LRRC8D: variants seen among roughly 807,000 people sequenced by gnomAD.
The protein encoded by LRRC8D is leucine rich repeat containing 8 VRAC subunit D.
In LRRC8D, 20 loss-of-function variants were observed where a neutral mutation model predicts 55.8. The observed-to-expected ratio is 0.36, with a 90% CI of 0.25 to 0.52. LRRC8D has a LOEUF of 0.52. Among genes scored for constraint, LRRC8D ranks in the 20% least tolerant of loss-of-function variants. The probability of loss-of-function intolerance (pLI) is 0.93; values close to 1 mark genes in which losing one functional copy is unlikely to be tolerated. For synonymous variants in LRRC8D, 352 were observed against 377.0 expected (o/e 0.93, Z 0.77); for missense variants, 651 against 1,030.8 (o/e 0.63, Z 5.05).
chr1:89,889,523 C>G (rs116390937), intron 2 of LRRC8D, among the ~76,000 whole-genome samples: 1,527 of 151,718 alleles, frequency 0.01, 26 homozygotes, highest in African/African-American at 0.035. Flanking sequence ...TATTGTAACT[C>G]CTGGCAGTAA....
intron 2 of LRRC8D, among the ~76,000 whole-genome samples, chr1:89,865,455 A>G (rs868344539): frequency 1.1e-4 from 17 of 151,736 alleles, no homozygotes; most frequent in Middle Eastern, 3.4e-3. Flanking sequence ...AATTAATAAG[A>G]TGAATGCTTT....
intron 2 of LRRC8D, among the ~76,000 whole-genome samples, chr1:89,881,498 T>C (rs1002534741): frequency 1.3e-5 from 2 of 152,162 alleles, no homozygotes; most frequent in Admixed American, 1.3e-4. Flanking sequence ...ACTGATTTTC[T>C]CCAAACATGT....
chr1:89,907,181 G>GTTT (rs1387287049), intron 2 of LRRC8D, among the ~76,000 whole-genome samples: 1 of 105,806 alleles, frequency 9.5e-6, no homozygotes. Context: ...CTTCCACTGT[G>GTTT]TCTTTTTTTT....
At position 89,896,242 on chromosome 1, in the gene LRRC8D, T is replaced by G. The variant is rs143882819; in HGVS notation, c.-2-36825T>G. 5.8e-3 allele frequency among the ~76,000 whole-genome samples: 883 copies of G among 151,830 alleles called. 5 individuals are homozygous for G. Among genetic ancestry groups the G allele is most frequent in the African/African-American group, 0.021 (861 of 41,348 alleles). On this transcript the variant is annotated intron_variant, in intron 2 of 2. Coordinates refer to ENST00000337338, the MANE Select transcript of LRRC8D (RefSeq NM_001134479.2). ...GTGAGTGGGAGGGTAGAGGGGTGGATGAAGGTGGTAAAGGATAGATGGGAA... is the reference window on the plus strand; with the variant it reads ...GTGAGTGGGAGGGTAGAGGGGTGGAGGAAGGTGGTAAAGGATAGATGGGAA...
At chr1:89,886,299 G>A (rs1031035221) in intron 2 of LRRC8D, among the ~76,000 whole-genome samples, 1 of 144,746 alleles carries the variant, frequency 6.9e-6, no homozygotes, top group African/African-American at 2.9e-5. Context: ...AGCCCCGGAC[G>A]GGGGAGGTCA....
rs76075845 is a variant in LRRC8D, at chr1:89,843,526, T to C, written c.-147-112T>C. The C allele has an allele frequency of 6.6e-3, 4,201 of 639,938 alleles. 119 individuals carry two copies. Among genetic ancestry groups the C allele is most frequent in the African/African-American group, 0.065 (3,543 of 54,842 alleles). The allele number at this position is 639,938 out of a possible 1,614,324, so 39.6% of individuals were successfully genotyped here. A position where few individuals can be genotyped will look rare whatever the true frequency, so the allele number is the denominator to read the frequency against. On this transcript the variant is annotated intron_variant, in intron 1 of 2. Coordinates refer to ENST00000337338, the MANE Select transcript of LRRC8D (RefSeq NM_001134479.2). Reference sequence around the variant, plus strand: ...AGCGCTGGGTGCCCACCATGGCAGTTATGCAAGCGGTGACCCCCTGGTCTT... The same window carrying C: ...AGCGCTGGGTGCCCACCATGGCAGTCATGCAAGCGGTGACCCCCTGGTCTT...
chr1:89,836,884 T>G (rs947727739), intron 1 of LRRC8D, among the ~76,000 whole-genome samples: 3 of 152,258 alleles, frequency 2.0e-5, no homozygotes, highest in African/African-American at 7.2e-5. Context: ...CAAATTTGAT[T>G]AAAACAGCGT....
At chr1:89,829,365 C>A (rs967225978) in intron 1 of LRRC8D, among the ~76,000 whole-genome samples, 11 of 152,172 alleles carry the variant, frequency 7.2e-5, no homozygotes, top group Non-Finnish European at 5.9e-5. Flanking sequence ...AGACTTATTC[C>A]CACTCTACGG....
chr1:89,873,141 C>G (rs1662063365), intron 2 of LRRC8D, among the ~76,000 whole-genome samples: 1 of 152,198 alleles, frequency 6.6e-6, no homozygotes, highest in Middle Eastern at 3.4e-3. Flanking sequence ...GGGGAGAGAT[C>G]ATAGAGATCC....
At chr1:89,913,398 A>C (rs2100947600) in intron 2 of LRRC8D, among the ~76,000 whole-genome samples, 1 of 152,354 alleles carries the variant, frequency 6.6e-6, no homozygotes, top group East Asian at 1.9e-4. Context: ...GGAGGAAATG[A>C]GTGATTAAAA....
intron 1 of LRRC8D, among the ~76,000 whole-genome samples, chr1:89,838,945 T>G (rs952904838): frequency 6.6e-6 from 1 of 152,226 alleles, no homozygotes; most frequent in Non-Finnish European, 1.5e-5. Flanking sequence ...TACCAAAATC[T>G]GGCGAGGTGA....
intron 2 of LRRC8D, among the ~76,000 whole-genome samples, chr1:89,882,113 C>T (rs750466623): frequency 2.4e-4 from 37 of 152,176 alleles, no homozygotes; most frequent in Non-Finnish European, 4.7e-4. Context: ...ATGCTGCCTA[C>T]GGAGCTTTTG....
At chr1:89,887,347 CTA>C (rs1662446485) in intron 2 of LRRC8D, among the ~76,000 whole-genome samples, 1 of 152,108 alleles carries the variant, frequency 6.6e-6, no homozygotes, top group Admixed American at 6.5e-5. Flanking sequence ...GTGAATTTTT[CTA>C]GACTTTTCAC....
At chr1:89,868,515 C>T (rs1392171891) in intron 2 of LRRC8D, among the ~76,000 whole-genome samples, 32 of 151,898 alleles carry the variant, frequency 2.1e-4, no homozygotes, top group Admixed American at 2.1e-3. Flanking sequence ...GTAAATATAC[C>T]TCAGCATATT....
At chr1:89,905,196 G>T (rs1662959709) in intron 2 of LRRC8D, among the ~76,000 whole-genome samples, 1 of 152,050 alleles carries the variant, frequency 6.6e-6, no homozygotes, top group African/African-American at 2.4e-5. Flanking sequence ...CTTTTCAAGG[G>T]GCTAATGCTC....
At chr1:89,906,168 C>T (rs1014603151) in intron 2 of LRRC8D, among the ~76,000 whole-genome samples, 3 of 152,170 alleles carry the variant, frequency 2.0e-5, no homozygotes, top group Non-Finnish European at 2.9e-5. Context: ...TCAAGCATCA[C>T]TTTTAGGCTT....
At chr1:89,828,204 T>C (rs1660808320) in intron 1 of LRRC8D, among the ~76,000 whole-genome samples, 2 of 152,212 alleles carry the variant, frequency 1.3e-5, no homozygotes, top group African/African-American at 4.8e-5. Flanking sequence ...GATATGTCAG[T>C]CTTCTTGGAA....
intron 2 of LRRC8D, among the ~76,000 whole-genome samples, chr1:89,891,514 T>G (rs189293795): frequency 1.1e-4 from 17 of 152,342 alleles, no homozygotes; most frequent in African/African-American, 3.8e-4. Context: ...TTTCTCATAC[T>G]TTTGCTCACT....
At chr1:89,905,259 A>T (rs575008300) in intron 2 of LRRC8D, among the ~76,000 whole-genome samples, 1 of 152,194 alleles carries the variant, frequency 6.6e-6, no homozygotes, top group African/African-American at 2.4e-5. Flanking sequence ...AATATTTTTA[A>T]TAGGGCTGTT....
Sources: gnomAD v4.1 joint callset for allele counts (sites outside exome capture counted in the v4.1 genomes callset) on GRCh38, gnomAD v4.1.1 for gene constraint, MANE v1.5 for transcripts, NCBI Gene and HGNC (gene_info 2026-07-23, HGNC 2026-07-21) for gene names.